RABGEF1: variants seen among roughly 807,000 people sequenced by gnomAD.
The protein encoded by RABGEF1 is rab5 GDP/GTP exchange factor.
A neutral mutation model predicts 57.3 loss-of-function variants in RABGEF1; 26 were observed. That is an observed-to-expected ratio of 0.45 (90% CI 0.33 to 0.63). RABGEF1 has a LOEUF of 0.63. RABGEF1 is among the 20% of genes least tolerant of loss of function. RABGEF1 has a pLI of 0.02. For synonymous variants in RABGEF1, 185 were observed against 210.7 expected (o/e 0.88, Z 1.06); for missense variants, 464 against 607.6 (o/e 0.76, Z 2.48).
chr7:66,655,249 T>TC, the RABGEF1 span, among the ~76,000 whole-genome samples: 66 of 152,190 alleles, frequency 4.3e-4, 1 homozygote, highest in South Asian at 3.7e-3. Context: ...AGTCCCTACT[T>TC]CCGAACCGTC....
intron 1 of RABGEF1, among the ~76,000 whole-genome samples, chr7:66,769,974 A>G (rs1806666606): frequency 6.6e-6 from 1 of 152,160 alleles, no homozygotes; most frequent in South Asian, 2.1e-4. Flanking sequence ...TTTCAACACA[A>G]GGCTCTTTAA....
chr7:66,721,027 C>A (rs1265380580), intron 2 of RABGEF1, among the ~76,000 whole-genome samples: 1 of 152,128 alleles, frequency 6.6e-6, no homozygotes, highest in Non-Finnish European at 1.5e-5. Context: ...AAGTGATTCT[C>A]CTGCCTGAAA....
At chr7:66,655,937 G>T in the RABGEF1 span, among the ~76,000 whole-genome samples, 2 of 152,182 alleles carry the variant, frequency 1.3e-5, no homozygotes, top group African/African-American at 4.8e-5. Context: ...TAAGGAGTGT[G>T]AGCTAAGATG....
At chr7:66,675,589 A>G in the RABGEF1 span, among the ~76,000 whole-genome samples, 3 of 152,190 alleles carry the variant, frequency 2.0e-5, no homozygotes, top group Non-Finnish European at 4.4e-5. Flanking sequence ...TCTAGTCAGG[A>G]CAATTCAGCA....
chr7:66,715,357 C>T (rs543012775), intron 2 of RABGEF1, among the ~76,000 whole-genome samples: 3 of 152,300 alleles, frequency 2.0e-5, no homozygotes, highest in Admixed American at 2.0e-4. Flanking sequence ...TCTTGAACTC[C>T]TAGCCTCAAG....
intron 1 of RABGEF1, among the ~76,000 whole-genome samples, chr7:66,684,521 C>T (rs1294161420): frequency 1.3e-5 from 2 of 152,290 alleles, no homozygotes; most frequent in African/African-American, 4.8e-5. Context: ...ATGGCAGGAA[C>T]ACAGCTAACT....
chr7:66,736,288 G>A (rs1797934177), upstream of RABGEF1, among the ~76,000 whole-genome samples: 1 of 152,166 alleles, frequency 6.6e-6, no homozygotes, highest in Non-Finnish European at 1.5e-5. Flanking sequence ...TGAGAGAGGA[G>A]AAACAAGGAT....
chr7:66,690,041 A>G (rs1269572563), intron 1 of RABGEF1, among the ~76,000 whole-genome samples: 1 of 152,058 alleles, frequency 6.6e-6, no homozygotes, highest in Non-Finnish European at 1.5e-5. Context: ...CTAGAGCCAG[A>G]CAAAGGCACT....
At chr7:66,678,514 G>T (rs548070621), upstream of RABGEF1, among the ~76,000 whole-genome samples, 1 of 141,196 alleles carries the variant, frequency 7.1e-6, no homozygotes, top group Non-Finnish European at 1.5e-5. Context: ...GCAGTGAGCC[G>T]AGATGGCGCC....
At chr7:66,682,680 C>T (rs189870039) in intron 1 of RABGEF1, among the ~76,000 whole-genome samples, 236 of 144,552 alleles carry the variant, frequency 1.6e-3, no homozygotes, top group African/African-American at 5.9e-3. Context: ...ATGGGACGCT[C>T]GGACCCAGAC....
chr7:66,797,042 A>G (rs868443130), intron 5 of RABGEF1: 1 of 366,126 alleles, frequency 2.7e-6, no homozygotes, highest in South Asian at 2.1e-5. Flanking sequence ...GCTCACACCT[A>G]TAAACCTAGT....
At chr7:66,734,493 GC>G (rs1797699632) in intron 2 of RABGEF1, among the ~76,000 whole-genome samples, 1 of 151,866 alleles carries the variant, frequency 6.6e-6, no homozygotes, top group Non-Finnish European at 1.5e-5. Flanking sequence ...ATGGGGTTTT[GC>G]TATGTTGGCC....
Position 66,704,239 on chromosome 7 carries a change from T to C in RABGEF1, c.-872-7928T>C, listed in dbSNP as rs571721527. 6.6e-5 allele frequency among the ~76,000 whole-genome samples: 10 copies of C among 152,328 alleles called. No individual in the cohort carries two copies. The East Asian group carries it at 1.9e-3, about 29-fold the overall frequency. On this transcript the variant is annotated intron_variant and NMD_transcript_variant, in intron 1 of 9. Transcript: ENST00000607882. ...CACTAAGTGAAAAGTTGCAACATTC[T>C]CCTAACCAAAATTTAACAGGTTATT...
the RABGEF1 span, among the ~76,000 whole-genome samples, chr7:66,674,467 T>G: frequency 6.6e-6 from 1 of 151,990 alleles, no homozygotes; most frequent in Admixed American, 6.6e-5. Flanking sequence ...GGATCACAGG[T>G]GTGAGCCACT....
In RABGEF1 at chr7:66,775,308, A is replaced by C; in HGVS notation, c.261A>C (p.Glu87Asp). ...GAQSLTFSKF[E>D]EKKTNEKTRK... ...AATCCCTCACATTCTCCAAGTTTGA[A>C]GAAAAGAAAACCAACGAGAAGACCC... The change falls in exon 3 of 9, where the codon GAA becomes GAC. Residue 87 changes from glutamate to aspartate, a missense_variant. Glu to Asp is a conservative substitution (Grantham distance 45, BLOSUM62 2). Around this residue, in one of 4 missense-constraint regions of RABGEF1, gnomAD observed 284 missense variants for 389.9 expected, o/e 0.73. Transcript: ENST00000284957. 1 of 1,614,002 alleles carries C rather than the reference A, an allele frequency of 6.2e-7. No individual in the cohort carries two copies. The highest frequency in any genetic ancestry group is 8.5e-7 in the Non-Finnish European group (1 of 1,179,868).
the RABGEF1 span, among the ~76,000 whole-genome samples, chr7:66,676,926 G>A: frequency 1.3e-5 from 2 of 152,146 alleles, no homozygotes; most frequent in African/African-American, 4.8e-5. Context: ...AAAAACTACT[G>A]ATGAAGTCCA....
At chr7:66,805,466 C>A in intron 8 of RABGEF1, 70 bp downstream of exon 8, 1 of 1,585,318 alleles carries the variant, frequency 6.3e-7, no homozygotes. Context: ...TGTGACAGGT[C>A]ACTTAGGCCC....
chr7:66,738,014 GTT>G (rs759479602), upstream of RABGEF1, among the ~76,000 whole-genome samples: 4 of 139,902 alleles, frequency 2.9e-5, no homozygotes, highest in African/African-American at 1.0e-4. Context: ...TGTGTTTTTT[GTT>G]TTTTTTGTTT....
At chr7:66,732,304 GGCCTCTGGGGCT>G (rs984410117) in intron 2 of RABGEF1, among the ~76,000 whole-genome samples, 15 of 152,206 alleles carry the variant, frequency 9.9e-5, no homozygotes, top group African/African-American at 3.6e-4. Context: ...GGGGGTGCGA[GGCCTCTGGGGCT>G]GCCTCTGGGG....
Sources: allele counts gnomAD v4.1 joint callset (sites outside exome capture counted in the v4.1 genomes callset), GRCh38; gene constraint gnomAD v4.1.1; regional missense constraint gnomAD v4.1.1; transcripts MANE v1.5; gene names NCBI Gene and HGNC (gene_info 2026-07-23, HGNC 2026-07-21).